The following EIF3H variants were observed in gnomAD, a reference collection of about 807,000 sequenced individuals.
EIF3H encodes eukaryotic translation initiation factor 3 subunit H.
In EIF3H, 26 loss-of-function variants were observed where a neutral mutation model predicts 44.2. The ratio of observed to expected loss-of-function variants is 0.59; its 90% confidence interval spans 0.43 to 0.82. The LOEUF (loss-of-function observed/expected upper bound fraction) is 0.82, where lower values mean the gene tolerates loss of function less well. EIF3H is among the 40% of genes least tolerant of loss of function. The probability of loss-of-function intolerance (pLI) is 0.00; values close to 1 mark genes in which losing one functional copy is unlikely to be tolerated. For missense variants in EIF3H, 359 were observed against 432.8 expected (o/e 0.83, Z 1.51); for synonymous variants, 166 against 151.9 (o/e 1.09, Z -0.68).
At chr8:116,748,959 T>C (rs539633861) in intron 1 of EIF3H, among the ~76,000 whole-genome samples, 1 of 152,302 alleles carries the variant, frequency 6.6e-6, no homozygotes, top group African/African-American at 2.4e-5. Context: ...CCATGGTTGG[T>C]TGAATCCATG....
chr8:116,676,388 T>C (rs1316883012), intron 2 of EIF3H, among the ~76,000 whole-genome samples: 1 of 152,120 alleles, frequency 6.6e-6, no homozygotes, highest in Non-Finnish European at 1.5e-5. Context: ...CTTACAATCA[T>C]GGAGGAAGGC....
chr8:116,671,567 A>G (rs998821725), intron 2 of EIF3H, among the ~76,000 whole-genome samples: 1 of 152,170 alleles, frequency 6.6e-6, no homozygotes, highest in African/African-American at 2.4e-5. Flanking sequence ...TCCCATGACA[A>G]TTATTTATTC....
At chr8:116,690,699 T>C (rs1032151830) in intron 2 of EIF3H, among the ~76,000 whole-genome samples, 64 of 152,346 alleles carry the variant, frequency 4.2e-4, no homozygotes, top group Non-Finnish European at 5.1e-4. Context: ...CCAGGTGTGA[T>C]TGACATTAGG....
chr8:116,660,337 T>A (rs1450319232), intron 2 of EIF3H, among the ~76,000 whole-genome samples: 1 of 152,224 alleles, frequency 6.6e-6, no homozygotes, highest in African/African-American at 2.4e-5. Flanking sequence ...TATACCACTA[T>A]GGTTTTACAA....
intron 2 of EIF3H, among the ~76,000 whole-genome samples, chr8:116,694,654 A>G (rs571860797): frequency 2.6e-5 from 4 of 152,330 alleles, no homozygotes; most frequent in African/African-American, 9.6e-5. Flanking sequence ...CTAGTCTCAC[A>G]CTGCGGTGAA....
chr8:116,658,822 G>T lies in EIF3H; in HGVS notation c.448C>A (p.Leu150Ile), dbSNP rs1554597589. The change falls in exon 3 of 8, where the codon CTC (leucine) becomes ATC (isoleucine). Residue 150 changes from leucine to isoleucine, a missense_variant. Coordinates refer to ENST00000521861, the MANE Select transcript of EIF3H (RefSeq NM_003756.3). ...YQHAIEESVVLIYDPIKTAQG... is the reference protein window; with the variant it reads ...YQHAIEESVVIIYDPIKTAQG... The stretch of plus-strand genomic sequence containing the variant: ...TAAACCTCCTACTAACCATAAATGA[G>T]AACGACAGATTCTTCAATGGCATGC... 6.2e-7 allele frequency: 1 copy of T among 1,611,102 alleles called. No individual in the cohort carries two copies. The highest frequency in any genetic ancestry group is 8.5e-7 in the Non-Finnish European group (1 of 1,179,104).
upstream of EIF3H, chr8:116,756,042 A>C: frequency 6.6e-7 from 1 of 1,525,626 alleles, no homozygotes; most frequent in Middle Eastern, 1.7e-4. Flanking sequence ...TAAACTTTTT[A>C]AATGTTTAAT....
At chr8:116,696,968 G>C (rs982006959) in intron 2 of EIF3H, 2 of 362,166 alleles carry the variant, frequency 5.5e-6, no homozygotes, top group Non-Finnish European at 1.1e-5. Context: ...AAAAAAGCTA[G>C]GACACCAACC....
intron 2 of EIF3H, among the ~76,000 whole-genome samples, chr8:116,665,973 A>C (rs980261332): frequency 6.6e-6 from 1 of 152,216 alleles, no homozygotes; most frequent in African/African-American, 2.4e-5. Context: ...CTCTGCATCC[A>C]ATCTGTACCA....
intron 2 of EIF3H, among the ~76,000 whole-genome samples, chr8:116,681,876 T>A (rs868051536): frequency 6.6e-6 from 1 of 152,236 alleles, no homozygotes; most frequent in African/African-American, 2.4e-5. Flanking sequence ...CTCTAATTCA[T>A]AACAAAATTC....
At chr8:116,716,951 C>T (rs369663157) in intron 2 of EIF3H, among the ~76,000 whole-genome samples, 17 of 152,076 alleles carry the variant, frequency 1.1e-4, no homozygotes, top group East Asian at 5.8e-4. Flanking sequence ...ATTACCTCCC[C>T]GAGGTGGATG....
intron 2 of EIF3H, among the ~76,000 whole-genome samples, chr8:116,679,079 T>C (rs1295940502): frequency 1.9e-3 from 65 of 33,834 alleles, no homozygotes; most frequent in African/African-American, 5.3e-3. Flanking sequence ...AAGTGAGGAG[T>C]CCCTCTGCCC....
At chr8:116,688,656 C>G (rs977491876) in intron 2 of EIF3H, among the ~76,000 whole-genome samples, 9 of 152,104 alleles carry the variant, frequency 5.9e-5, no homozygotes, top group Admixed American at 5.2e-4. Context: ...CAGGAACACT[C>G]AGGGAGAATC....
chr8:116,652,018 G>A (rs1023080987), intron 5 of EIF3H, among the ~76,000 whole-genome samples: 1 of 152,200 alleles, frequency 6.6e-6, no homozygotes, highest in Non-Finnish European at 1.5e-5. Flanking sequence ...TAAGGTCCTA[G>A]ACTAAGGCAG....
At position 116,645,102 on chromosome 8, in the gene EIF3H, G is replaced by A. The variant is rs1813277182; in HGVS notation, c.963C>T (p.Gly321=). 1 of 1,612,912 alleles carries A rather than the reference G, an allele frequency of 6.2e-7. No homozygotes were observed. The highest frequency in any genetic ancestry group is 1.7e-5 in the Admixed American group (1 of 59,954). The change falls in exon 8 of 8, where the codon GGC becomes GGT. Residue 321 remains glycine (G), a splice_region_variant and synonymous_variant. Coordinates refer to ENST00000521861, the MANE Select transcript of EIF3H (RefSeq NM_003756.3). ...TGTTCTGGCAGTAAGTGTTTATCTG[G>A]CCTGTGCATTTGAGAAAGAGATAGA... ...PARMDSLLIA[G]QINTYCQNIK...
chr8:116,695,288 C>T (rs1223673730), intron 2 of EIF3H, among the ~76,000 whole-genome samples: 1 of 152,118 alleles, frequency 6.6e-6, no homozygotes, highest in African/African-American at 2.4e-5. Context: ...AGGCTAGTCT[C>T]GAACTCCTGG....
chr8:116,725,374 T>G (rs571585052), intron 2 of EIF3H, among the ~76,000 whole-genome samples: 14 of 152,212 alleles, frequency 9.2e-5, no homozygotes, highest in Non-Finnish European at 1.8e-4. Flanking sequence ...CACTTAACAC[T>G]ACTGTAATGT....
At position 116,752,744 on chromosome 8, in the gene EIF3H, AG is replaced by A. The variant is rs1815373391; in HGVS notation, c.132+2921del. Reference sequence around the variant, plus strand: ...AGAAAGAAAGAAAGAAGAGAAAGAAAGAAAGAAAGAGGGAGGGAGGGAGGGA... The same window carrying A: ...AGAAAGAAAGAAAGAAGAGAAAGAAAAAAGAAAGAGGGAGGGAGGGAGGGA... On this transcript the variant is annotated intron_variant, in intron 1 of 7. Coordinates refer to ENST00000521861, the MANE Select transcript of EIF3H (RefSeq NM_003756.3). 2.6e-5 allele frequency among the ~76,000 whole-genome samples: 3 copies of A among 114,072 alleles called. No individual in the cohort carries two copies. The South Asian group carries it at 1.1e-3, about 42-fold the overall frequency. The allele number at this position is 114,072 out of a possible 152,430, so 74.8% of individuals were successfully genotyped here. A position where few individuals can be genotyped will look rare whatever the true frequency, so the allele number is the denominator to read the frequency against.
In EIF3H at chr8:116,649,757, A is replaced by G. The variant is rs570910299; in HGVS notation, c.708-831T>C. On this transcript the variant is annotated intron_variant, in intron 5 of 7. Transcript: ENST00000521861. The stretch of plus-strand genomic sequence containing the variant: ...ACAGTGAATAAGACATACATGTTCT[A>G]TATCTTCATTGATCTTATAACTGAT... Among the ~76,000 whole-genome samples the G allele has an allele frequency of 2.0e-5, 3 of 152,354 alleles. No individual in the cohort carries two copies. In the East Asian group the frequency reaches 5.8e-4, roughly 29 times the overall value.
Sources: gnomAD v4.1 joint callset for allele counts (sites outside exome capture counted in the v4.1 genomes callset) on GRCh38, gnomAD v4.1.1 for gene constraint, MANE v1.5 for transcripts, NCBI Gene and HGNC (gene_info 2026-07-23, HGNC 2026-07-21) for gene names.